TMEM74: variants seen among roughly 807,000 people sequenced by gnomAD.
The protein encoded by TMEM74 is transmembrane protein 74.
In TMEM74, 13 loss-of-function variants were observed where a neutral mutation model predicts 18.1. The ratio of observed to expected loss-of-function variants is 0.72; its 90% CI spans 0.47 to 1.14. TMEM74 has a LOEUF of 1.14. Ranked by LOEUF, TMEM74 falls within the 50% of genes most tolerant of loss-of-function variation. TMEM74 has a pLI of 0.00. For synonymous variants in TMEM74, 159 were observed against 146.6 expected (o/e 1.08, Z -0.61); for missense variants, 372 against 375.9 (o/e 0.99, Z 0.09).
rs368867998 is a variant in TMEM74 at position 108,698,997 on chromosome 8, C to T, written n.120-43560G>A. ...CAGCAGTTAACAAATAACCCTCCAG[C>T]AAGAATAATTCCCGGATGAGCTGGG... On this transcript the variant is annotated intron_variant and non_coding_transcript_variant, in intron 1 of 3. Transcript: ENST00000518838. Among the ~76,000 whole-genome samples the T allele has an allele frequency of 2.6e-4, 40 of 152,198 alleles. No homozygotes were observed. In the East Asian group the frequency reaches 2.7e-3, roughly 10 times the overall value.
chr8:108,711,363 G>T (rs1194712754), intron 1 of TMEM74, among the ~76,000 whole-genome samples: 1 of 152,162 alleles, frequency 6.6e-6, no homozygotes, highest in Non-Finnish European at 1.5e-5. Flanking sequence ...CAAGCAGACT[G>T]TTACTTTTAT....
chr8:108,718,022 G>C (rs1372713638), intron 1 of TMEM74, among the ~76,000 whole-genome samples: 1 of 65,458 alleles, frequency 1.5e-5, no homozygotes, highest in South Asian at 5.7e-4. Flanking sequence ...GCAGTGGCGG[G>C]ATCTCGGCTC....
intron 1 of TMEM74, among the ~76,000 whole-genome samples, chr8:108,741,637 T>A (rs908152699): frequency 6.6e-6 from 1 of 152,182 alleles, no homozygotes; most frequent in Non-Finnish European, 1.5e-5. Flanking sequence ...TCATGTAATA[T>A]GACCTAATCA....
chr8:108,728,750 G>A (rs1370604999), intron 1 of TMEM74, among the ~76,000 whole-genome samples: 1 of 152,136 alleles, frequency 6.6e-6, no homozygotes, highest in Non-Finnish European at 1.5e-5. Flanking sequence ...AGTCATCAGT[G>A]TAACCTATAT....
intron 2 of TMEM74, among the ~76,000 whole-genome samples, chr8:108,637,127 T>C (rs1001598250): frequency 3.3e-5 from 5 of 152,134 alleles, no homozygotes; most frequent in African/African-American, 1.2e-4. Flanking sequence ...TTATATTCTC[T>C]AATTTGAGGG....
At chr8:108,607,193 A>G (rs549138924) in exon 4 of TMEM74, 2 of 152,352 alleles carry the variant, frequency 1.3e-5, no homozygotes, top group Admixed American at 1.3e-4. Context: ...GAAGTGAAGA[A>G]ATACACTCCA....
chr8:108,786,222 C>G (rs1814383389), intron 1 of TMEM74, among the ~76,000 whole-genome samples: 1 of 152,200 alleles, frequency 6.6e-6, no homozygotes, highest in Non-Finnish European at 1.5e-5. Flanking sequence ...TCCTCACCCC[C>G]GACTGCAGCA....
At chr8:108,726,017 G>A (rs1160337438) in intron 1 of TMEM74, among the ~76,000 whole-genome samples, 1 of 152,104 alleles carries the variant, frequency 6.6e-6, no homozygotes, top group South Asian at 2.1e-4. Context: ...ATGCACCTGG[G>A]TAAATAAGGA....
chr8:108,623,321 C>T (rs546739500), intron 2 of TMEM74, among the ~76,000 whole-genome samples: 1 of 152,122 alleles, frequency 6.6e-6, no homozygotes, highest in South Asian at 2.1e-4. Context: ...ATAAGCAAAA[C>T]AAACAAACCC....
chr8:108,648,256 G>A (rs1186971605), intron 2 of TMEM74, among the ~76,000 whole-genome samples: 1 of 152,088 alleles, frequency 6.6e-6, no homozygotes, highest in East Asian at 1.9e-4. Context: ...AACTGCTTGT[G>A]CATTGGAGCC....
At chr8:108,756,608 A>G (rs1326943023) in intron 1 of TMEM74, among the ~76,000 whole-genome samples, 28 of 66,612 alleles carry the variant, frequency 4.2e-4, no homozygotes, top group Non-Finnish European at 6.2e-4. Context: ...GAAAGGAAGG[A>G]AGGAAGGAAG....
chr8:108,658,700 G>A lies in TMEM74; in HGVS notation n.120-3263C>T, dbSNP rs372503726. On this transcript the variant is annotated intron_variant and non_coding_transcript_variant, in intron 1 of 3. Transcript: ENST00000518838. ...AAATGCCAATCTGAATCCTGGTTGA[G>A]CCTCTTCGTAATGTTGTAATCTCTG... Among the ~76,000 whole-genome samples the A allele has an allele frequency of 1.2e-4, 19 of 152,310 alleles. No homozygotes were observed. The South Asian group carries it at 3.5e-3, about 28-fold the overall frequency.
intron 1 of TMEM74, among the ~76,000 whole-genome samples, chr8:108,734,211 CT>C (rs113475502): frequency 6.6e-6 from 1 of 152,260 alleles, no homozygotes; most frequent in African/African-American, 2.4e-5. Flanking sequence ...CTCGGACACA[CT>C]TTTCCCGCCC....
At chr8:108,753,786 A>T (rs1005366011) in intron 1 of TMEM74, among the ~76,000 whole-genome samples, 2 of 151,984 alleles carry the variant, frequency 1.3e-5, no homozygotes, top group Admixed American at 1.3e-4. Flanking sequence ...TCATCTTGGA[A>T]TTTTTTATGT....
chr8:108,629,628 T>G (rs963294658), intron 2 of TMEM74, among the ~76,000 whole-genome samples: 1 of 151,258 alleles, frequency 6.6e-6, no homozygotes, highest in Non-Finnish European at 1.5e-5. Context: ...AGACTGAGAG[T>G]GGATATCTCT....
intron 1 of TMEM74, among the ~76,000 whole-genome samples, chr8:108,739,344 T>C (rs555031967): frequency 6.6e-6 from 1 of 152,222 alleles, no homozygotes; most frequent in African/African-American, 2.4e-5. Context: ...TCTGGAAAAT[T>C]TGTGATAACG....
intron 2 of TMEM74, among the ~76,000 whole-genome samples, chr8:108,648,542 G>A (rs979687772): frequency 9.9e-5 from 15 of 152,148 alleles, no homozygotes; most frequent in African/African-American, 3.6e-4. Flanking sequence ...TAAGATGGGA[G>A]GATTATCCTG....
intron 2 of TMEM74, among the ~76,000 whole-genome samples, chr8:108,626,200 TA>T (rs1812491212): frequency 6.6e-6 from 1 of 152,118 alleles, no homozygotes; most frequent in African/African-American, 2.4e-5. Flanking sequence ...ACATTATTTC[TA>T]ATACATTTAT....
chr8:108,691,486 G>A (rs375284808), intron 1 of TMEM74, among the ~76,000 whole-genome samples: 2 of 152,166 alleles, frequency 1.3e-5, no homozygotes, highest in South Asian at 2.1e-4. Flanking sequence ...TCTGAAGTTC[G>A]CAATGACTTC....
Sources: gnomAD v4.1 joint callset for allele counts (sites outside exome capture counted in the v4.1 genomes callset) on GRCh38, gnomAD v4.1.1 for gene constraint, MANE v1.5 for transcripts, NCBI Gene and HGNC (gene_info 2026-07-23, HGNC 2026-07-21) for gene names.